The following SMC1B variants were observed in gnomAD, a reference collection of about 807,000 sequenced individuals.
SMC1B encodes the protein structural maintenance of chromosomes protein 1B.
In SMC1B, 60 loss-of-function variants were observed where a neutral mutation model predicts 157.9. That is an observed-to-expected ratio of 0.38 (90% confidence interval 0.31 to 0.47). SMC1B has a LOEUF of 0.47. Among genes scored for constraint, SMC1B ranks in the 20% least tolerant of loss-of-function variants. SMC1B has a pLI of 0.99. For synonymous variants in SMC1B, 445 were observed against 483.0 expected (o/e 0.92, Z 1.03); for missense variants, 1,165 against 1,426.2 (o/e 0.82, Z 2.95).
chr22:45,354,844 A>G, intron 20 of SMC1B, 115 bp downstream of exon 20: 1 of 918,076 alleles, frequency 1.1e-6, no homozygotes, highest in East Asian at 2.4e-5. Flanking sequence ...ATATAAGACC[A>G]CAGAGGAAAA....
rs145225067 is a variant in SMC1B, at chr22:45,413,592, G to T, written c.-25C>A. On this transcript the variant is annotated 5_prime_UTR_variant, in exon 1 of 25. Coordinates refer to ENST00000357450, the MANE Select transcript of SMC1B (RefSeq NM_148674.5). ...TGGCGCCGCCCTCCACGCCTCACCC[G>T]CGTTATCAAGCGCCCGCGGAAAAAG... is the stretch of plus-strand genomic sequence containing the variant. The T allele has an allele frequency of 4.3e-4, 676 of 1,567,378 alleles. No homozygotes were observed. Among genetic ancestry groups the T allele is most frequent in the Middle Eastern group, 1.5e-3 (9 of 5,994 alleles).
intron 4 of SMC1B, among the ~76,000 whole-genome samples, chr22:45,403,076 A>C (rs890452976): frequency 1.3e-5 from 2 of 152,258 alleles, no homozygotes; most frequent in Non-Finnish European, 2.9e-5. Context: ...TTAAAGAAAT[A>C]AAGGAACAGG....
chr22:45,362,032 T>A, intron 16 of SMC1B, 48 bp from the exon 17 acceptor site: 1 of 1,569,644 alleles, frequency 6.4e-7, no homozygotes, highest in Non-Finnish European at 8.7e-7. Flanking sequence ...TTTATATTAA[T>A]AAGGTACTTC....
chr22:45,359,512 T>C (rs750645041), intron 18 of SMC1B, among the ~76,000 whole-genome samples: 2 of 152,204 alleles, frequency 1.3e-5, no homozygotes, highest in African/African-American at 2.4e-5. Flanking sequence ...TAAAATGTTA[T>C]GAGAGTGCAG....
rs755292878 is a variant in SMC1B at position 45,402,525 on chromosome 22, A to G, written c.662T>C (p.Ile221Thr). ...SLLEELKMNK[I>T]QLQLFQLYHN... ...GTATAGTTGAAAAAGCTGCAGTTGT[A>G]TCTTGTTCATTTTCAGTTCTTCAAG... is the stretch of plus-strand genomic sequence containing the variant. Residue 221 changes from isoleucine (I) to threonine (T), a missense_variant, in exon 5 of 25, where the codon ATA becomes ACA. Coordinates refer to ENST00000357450, the MANE Select transcript of SMC1B (RefSeq NM_148674.5). The G allele has an allele frequency of 3.7e-6, 6 of 1,613,738 alleles. No homozygotes were observed. The African/African-American group carries it at 6.7e-5, about 18-fold the overall frequency.
intron 12 of SMC1B, among the ~76,000 whole-genome samples, chr22:45,379,599 C>A (rs2086915305): frequency 6.6e-6 from 1 of 152,118 alleles, no homozygotes; most frequent in African/African-American, 2.4e-5. Flanking sequence ...TTTTGGAACA[C>A]ATTGACCTTT....
intron 23 of SMC1B, among the ~76,000 whole-genome samples, chr22:45,346,065 C>G (rs1352277146): frequency 6.6e-6 from 1 of 151,940 alleles, no homozygotes; most frequent in African/African-American, 2.4e-5. Context: ...ATTAGGCAGG[C>G]ATGGTGGCAG....
At chr22:45,357,451 G>T (rs999643754) in intron 19 of SMC1B, among the ~76,000 whole-genome samples, 3 of 152,260 alleles carry the variant, frequency 2.0e-5, no homozygotes, top group Admixed American at 6.5e-5. Context: ...AGAGAGGCCT[G>T]TGTCTACTAA....
chr22:45,369,243 C>T (rs1468156833), intron 15 of SMC1B, among the ~76,000 whole-genome samples: 1 of 151,892 alleles, frequency 6.6e-6, no homozygotes, highest in African/African-American at 2.4e-5. Context: ...ACTACAGGCG[C>T]CTGCCACCAT....
At position 45,394,690 on chromosome 22, in the gene SMC1B, T is replaced by C. The variant is rs2087103050; in HGVS notation, c.1332A>G (p.Thr444=). The change falls in exon 8 of 25, where the codon ACA becomes ACG. Residue 444 remains threonine (T), a synonymous_variant. Transcript: ENST00000357450. The part of the protein sequence containing the change: ...RIEKLEEYTK[T]CMDCLKEKKQ... Reference sequence around the variant, plus strand: ...ATTTTTTTTACTCTACCTACATGCATGTCTTTGTATACTCCTCTAACTTCT... The same window carrying C: ...ATTTTTTTTACTCTACCTACATGCACGTCTTTGTATACTCCTCTAACTTCT... The C allele has an allele frequency of 1.9e-6, 3 of 1,549,298 alleles. No homozygotes were observed. The highest frequency in any genetic ancestry group is 1.4e-5 in the African/African-American group (1 of 72,950).
intron 7 of SMC1B, among the ~76,000 whole-genome samples, chr22:45,395,946 T>G (rs1272051743): frequency 6.6e-6 from 1 of 152,188 alleles, no homozygotes; most frequent in Non-Finnish European, 1.5e-5. Flanking sequence ...CAGGGAAGGC[T>G]TTGCGGTGTT....
At chr22:45,398,777 C>G (rs1054126420) in intron 6 of SMC1B, among the ~76,000 whole-genome samples, 2 of 152,024 alleles carry the variant, frequency 1.3e-5, no homozygotes, top group Non-Finnish European at 1.5e-5. Context: ...TGCAGTGAGC[C>G]AAGACCACAC....
At chr22:45,396,220 C>T in intron 7 of SMC1B, 126 bp downstream of exon 7, 1 of 784,454 alleles carries the variant, frequency 1.3e-6, no homozygotes, top group African/African-American at 1.8e-5. Context: ...TCTGCCAAAT[C>T]ATGAAATAAA....
At chr22:45,407,403 A>G (rs1602100412) in intron 2 of SMC1B, among the ~76,000 whole-genome samples, 1 of 152,278 alleles carries the variant, frequency 6.6e-6, no homozygotes, top group East Asian at 1.9e-4. Flanking sequence ...GACAGAACTC[A>G]GTCATCCCTC....
At position 45,354,021 on chromosome 22, in the gene SMC1B, A is replaced by C; in HGVS notation, c.3230T>G (p.Ile1077Ser). ...TQCFEHVSIS[I>S]DQIYKKLCRN... The stretch of plus-strand genomic sequence containing the variant: ...GCAGAGCTTCTTGTAGATTTGATCA[A>C]TTGAGATTGAGACATGCTCAAAACA... Residue 1077 changes from isoleucine (I) to serine (S), a missense_variant, in exon 21 of 25, where the codon ATT (isoleucine) becomes AGT (serine). Ile to Ser is a moderately radical substitution (Grantham distance 142). Transcript: ENST00000357450. The C allele has an allele frequency of 6.3e-7, 1 of 1,597,248 alleles. No individual in the cohort carries two copies. The highest frequency in any genetic ancestry group is 8.5e-7 in the Non-Finnish European group (1 of 1,173,930).
rs947241333 is a variant in SMC1B, at chr22:45,395,860, A to G, written c.1254+486T>C. 1.2e-4 allele frequency among the ~76,000 whole-genome samples: 19 copies of G among 152,210 alleles called. 1 individual carries two copies. Among genetic ancestry groups the G allele is most frequent in the Admixed American group, 9.2e-4 (14 of 15,280 alleles). On this transcript the variant is annotated intron_variant, in intron 7 of 24. Transcript: ENST00000357450. The stretch of plus-strand genomic sequence containing the variant: ...CAACAAGACCGAAACTCCGTATCAA[A>G]TAATAATAGGTAGTTATATGAGGAA...
At position 45,344,613 on chromosome 22, in the gene SMC1B, A is replaced by C; in HGVS notation, c.3651T>G (p.Ser1217=). 6.2e-7 allele frequency: 1 copy of C among 1,614,090 alleles called. No individual in the cohort carries two copies. The highest frequency in any genetic ancestry group is 2.2e-5 in the East Asian group (1 of 44,888). The change falls in exon 25 of 25, where the codon TCT becomes TCG. Residue 1217 remains serine, a synonymous_variant. Transcript: ENST00000357450. ...MFSRVLTLDL[S]QYPDTEGQES... Reference sequence around the variant, plus strand: ...CTTGGCCTTCAGTGTCTGGATACTGAGAAAGATCTAGGGTCAAAACTCGGC... The same window carrying C: ...CTTGGCCTTCAGTGTCTGGATACTGCGAAAGATCTAGGGTCAAAACTCGGC...
chr22:45,397,706 CT>C (rs528781819), intron 6 of SMC1B, among the ~76,000 whole-genome samples: 1 of 151,996 alleles, frequency 6.6e-6, no homozygotes, highest in Admixed American at 6.6e-5. Context: ...TTGTTTTAGC[CT>C]TTTTTTGCAT....
chr22:45,394,840 C>A, intron 7 of SMC1B, 73 bp from the exon 8 acceptor site: 1 of 1,357,434 alleles, frequency 7.4e-7, no homozygotes, highest in East Asian at 2.9e-5. Flanking sequence ...CTAGAACTTA[C>A]TATAATATTA....
Sources: allele counts gnomAD v4.1 joint callset (sites outside exome capture counted in the v4.1 genomes callset), GRCh38; gene constraint gnomAD v4.1.1; transcripts MANE v1.5; gene names NCBI Gene and HGNC (gene_info 2026-07-23, HGNC 2026-07-21).